FAM135B: variants seen among roughly 807,000 people sequenced by gnomAD.
The protein encoded by FAM135B is protein FAM135B.
A neutral mutation model predicts 127.7 loss-of-function variants in FAM135B; 43 were observed. The observed-to-expected ratio is 0.34, with a 90% CI of 0.26 to 0.43. The LOEUF is 0.43. FAM135B is among the 20% of genes least tolerant of loss of function. The pLI is 1.00. For missense variants in FAM135B, 1,558 were observed against 1,725.6 expected (o/e 0.90, Z 1.72); for synonymous variants, 670 against 665.1 (o/e 1.01, Z -0.11).
intron 4 of FAM135B, among the ~76,000 whole-genome samples, chr8:138,257,698 G>A (rs1822198547): frequency 6.6e-6 from 1 of 152,048 alleles, no homozygotes; most frequent in Non-Finnish European, 1.5e-5. Context: ...GTATTTAACG[G>A]TGCCTATTAC....
At chr8:138,335,387 A>G (rs1828498692) in intron 2 of FAM135B, among the ~76,000 whole-genome samples, 1 of 152,210 alleles carries the variant, frequency 6.6e-6, no homozygotes, top group South Asian at 2.1e-4. Context: ...ACGTAATTTT[A>G]AAACCCTAAA....
At chr8:138,462,757 G>C (rs1306763226) in intron 1 of FAM135B, among the ~76,000 whole-genome samples, 3 of 152,166 alleles carry the variant, frequency 2.0e-5, no homozygotes, top group Non-Finnish European at 4.4e-5. Flanking sequence ...GCAAGCACCA[G>C]CGTGAGGTGC....
At chr8:138,158,880 G>A (rs1819054833) in intron 12 of FAM135B, among the ~76,000 whole-genome samples, 1 of 152,200 alleles carries the variant, frequency 6.6e-6, no homozygotes, top group Non-Finnish European at 1.5e-5. Context: ...GAAAGACAGT[G>A]TGGCGATTCC....
chr8:138,237,499 A>G (rs1179686459), intron 7 of FAM135B, among the ~76,000 whole-genome samples: 1 of 152,176 alleles, frequency 6.6e-6, no homozygotes, highest in Admixed American at 6.5e-5. Flanking sequence ...TCAGAGCCTG[A>G]GTATTCATCA....
At chr8:138,287,499 G>A (rs1824785446) in intron 3 of FAM135B, among the ~76,000 whole-genome samples, 1 of 136,842 alleles carries the variant, frequency 7.3e-6, no homozygotes, top group South Asian at 2.3e-4. Flanking sequence ...CTTCAGCCAT[G>A]TGGCTGCTTG....
intron 9 of FAM135B, among the ~76,000 whole-genome samples, chr8:138,183,370 C>G (rs1323138979): frequency 6.6e-6 from 1 of 152,166 alleles, no homozygotes; most frequent in Non-Finnish European, 1.5e-5. Context: ...AAGTCCAGCT[C>G]CAAAGCTCTG....
intron 6 of FAM135B, among the ~76,000 whole-genome samples, chr8:138,247,859 T>C (rs1193330966): frequency 1.3e-5 from 2 of 152,240 alleles, no homozygotes; most frequent in South Asian, 2.1e-4. Context: ...TATTAAACTA[T>C]AACTCCAATT....
chr8:138,495,327 G>A (rs1815351212), intron 1 of FAM135B, among the ~76,000 whole-genome samples: 1 of 152,122 alleles, frequency 6.6e-6, no homozygotes, highest in Non-Finnish European at 1.5e-5. Context: ...GGAAATCAGA[G>A]TTCAAATCCA....
intron 1 of FAM135B, among the ~76,000 whole-genome samples, chr8:138,383,382 T>C (rs1157796875): frequency 1.3e-5 from 2 of 152,220 alleles, no homozygotes; most frequent in Non-Finnish European, 2.9e-5. Context: ...AGGGAAAGGT[T>C]AGCGATTAAG....
intron 9 of FAM135B, among the ~76,000 whole-genome samples, chr8:138,182,418 C>T (rs17655974): frequency 0.26 from 40,267 of 151,976 alleles, 6,754 homozygotes; most frequent in Non-Finnish European, 0.38. Flanking sequence ...TGAAAAAAGG[C>T]CCTGCCATCC....
Position 138,274,672 on chromosome 8 carries a change from C to T in FAM135B, c.158-8830G>A, listed in dbSNP as rs765366694. ...CCTCTGCAGTCTCAACCATAAGAGA[C>T]GACCACGCCCAGGGGAGCCAGTTCA... On this transcript the variant is annotated intron_variant, in intron 3 of 19. Coordinates refer to ENST00000395297, the MANE Select transcript of FAM135B (RefSeq NM_015912.4). Among the ~76,000 whole-genome samples, 60 of 152,166 alleles carry T rather than the reference C, an allele frequency of 3.9e-4. 1 individual carries two copies. Among genetic ancestry groups the T allele is most frequent in the African/African-American group, 1.1e-3 (44 of 41,516 alleles).
At chr8:138,301,408 A>G (rs1260484519) in intron 3 of FAM135B, among the ~76,000 whole-genome samples, 1 of 152,174 alleles carries the variant, frequency 6.6e-6, no homozygotes, top group Non-Finnish European at 1.5e-5. Flanking sequence ...TGACTATGAG[A>G]ACTCTAAACA....
intron 1 of FAM135B, among the ~76,000 whole-genome samples, chr8:138,460,411 G>A (rs868351144): frequency 6.6e-6 from 1 of 152,170 alleles, no homozygotes. Context: ...GCAGCCTGGA[G>A]GGTGAAACAC....
chr8:138,138,892 G>T, intron 18 of FAM135B, 94 bp downstream of exon 18: 1 of 838,870 alleles, frequency 1.2e-6, no homozygotes, highest in Non-Finnish European at 2.0e-6. Flanking sequence ...GCCCTTCTGT[G>T]AGTGAATCAA....
At chr8:138,257,566 C>T (rs1822189650) in intron 4 of FAM135B, among the ~76,000 whole-genome samples, 1 of 152,126 alleles carries the variant, frequency 6.6e-6, no homozygotes, top group Non-Finnish European at 1.5e-5. Flanking sequence ...ACCACCTCTA[C>T]TCAGAGGTCA....
At chr8:138,148,392 A>C in intron 14 of FAM135B, 128 bp downstream of exon 14, 1 of 766,186 alleles carries the variant, frequency 1.3e-6, no homozygotes. Context: ...GATTCATCAT[A>C]ATTACTGTCA....
chr8:138,381,837 G>A (rs950863854), intron 1 of FAM135B, among the ~76,000 whole-genome samples: 12 of 152,160 alleles, frequency 7.9e-5, no homozygotes, highest in East Asian at 5.8e-4. Context: ...ACAATTCATC[G>A]TGCCTGACAG....
chr8:138,151,713 C>T lies in FAM135B; in HGVS notation c.2762G>A (p.Ser921Asn), dbSNP rs1818170545. ...GAGACCCTCAACCTCTGAGATGCCA[C>T]TGTTGGAAAGAGCTTGCTGACCCAC... The part of the protein sequence containing the change: ...LNVGQQALSN[S>N]GISEVEGLSQ... The change falls in exon 13 of 20, where the codon AGT becomes AAT. Residue 921 changes from serine to asparagine, a missense_variant. Transcript: ENST00000395297. 1 of 1,614,064 alleles carries T rather than the reference C, an allele frequency of 6.2e-7. No homozygotes were observed. The highest frequency in any genetic ancestry group is 1.1e-5 in the South Asian group (1 of 91,084).
At position 138,230,387 on chromosome 8, in the gene FAM135B, T is replaced by A. The variant is rs532193505; in HGVS notation, c.669+12555A>T. 1.7e-3 allele frequency among the ~76,000 whole-genome samples: 254 copies of A among 152,228 alleles called. 3 individuals are homozygous for A. The highest frequency in any genetic ancestry group is 1.6e-3 in the Non-Finnish European group (108 of 68,018). On this transcript the variant is annotated intron_variant, in intron 7 of 19. Coordinates refer to ENST00000395297, the MANE Select transcript of FAM135B (RefSeq NM_015912.4). ...TCCAACAACCTAAGACCTGGACATA[T>A]AAATTCACTACCCTTCAGAATGTAC...
Sources: gnomAD v4.1 joint callset for allele counts (sites outside exome capture counted in the v4.1 genomes callset) on GRCh38, gnomAD v4.1.1 for gene constraint, MANE v1.5 for transcripts, NCBI Gene and HGNC (gene_info 2026-07-23, HGNC 2026-07-21) for gene names.